Variants in SNTG2 observed in about 807,000 individuals in gnomAD.
SNTG2 encodes the protein syntrophin gamma 2.
Under a neutral mutation model 70.9 loss-of-function variants are expected in SNTG2, and 74 were observed. The ratio of observed to expected loss-of-function variants is 1.04; its 90% CI spans 0.86 to 1.27. SNTG2 has a LOEUF of 1.27. Ranked by LOEUF, SNTG2 falls within the 50% of genes most tolerant of loss-of-function variation. The probability of loss-of-function intolerance (pLI) is 0.00; values close to 1 mark genes in which losing one functional copy is unlikely to be tolerated. For missense variants in SNTG2, 717 were observed against 690.7 expected, an observed-to-expected ratio of 1.04 and a Z score of -0.43; for synonymous variants, 278 against 273.8, an observed-to-expected ratio of 1.02 and a Z score of -0.15.
At chr2:1,185,499 G>A (rs2147924962) in intron 8 of SNTG2, among the ~76,000 whole-genome samples, 1 of 152,318 alleles carries the variant, frequency 6.6e-6, no homozygotes, top group African/African-American at 2.4e-5. Flanking sequence ...GGACATCCAG[G>A]AATTTCCATA....
At chr2:1,061,832 C>T (rs1473743693) in intron 1 of SNTG2, among the ~76,000 whole-genome samples, 5 of 152,062 alleles carry the variant, frequency 3.3e-5, no homozygotes, top group South Asian at 2.1e-4. Context: ...TTCTGAACTT[C>T]GTCTTTGGAA....
At chr2:1,276,731 G>A (rs1572907231) in intron 14 of SNTG2, among the ~76,000 whole-genome samples, 1 of 152,290 alleles carries the variant, frequency 6.6e-6, no homozygotes, top group Admixed American at 6.5e-5. Flanking sequence ...ATCTCATAAG[G>A]TTATAGCTGC....
intron 16 of SNTG2, among the ~76,000 whole-genome samples, chr2:1,325,119 A>G (rs1681707325): frequency 6.6e-6 from 1 of 152,196 alleles, no homozygotes; most frequent in South Asian, 2.1e-4. Flanking sequence ...GTCTGGTTAT[A>G]TCTAAAAATA....
chr2:1,145,837 C>A (rs7588189), intron 6 of SNTG2, among the ~76,000 whole-genome samples: 149,126 of 152,284 alleles, frequency 0.98, 73,105 homozygotes, highest in East Asian at 1. Context: ...TCAGCAACGT[C>A]TAAAAAGAAT....
intron 13 of SNTG2, among the ~76,000 whole-genome samples, chr2:1,260,510 TAAAC>T (rs979394917): frequency 7.2e-5 from 11 of 152,336 alleles, no homozygotes; most frequent in Non-Finnish European, 1.3e-4. Context: ...CAGGTTGTAA[TAAAC>T]AATCATTGAT....
intron 1 of SNTG2, among the ~76,000 whole-genome samples, chr2:1,015,460 A>G (rs555365594): frequency 6.6e-6 from 1 of 152,356 alleles, no homozygotes; most frequent in South Asian, 2.1e-4. Flanking sequence ...GTGACTTACA[A>G]GAGGTTTATT....
intron 13 of SNTG2, among the ~76,000 whole-genome samples, chr2:1,266,427 G>A (rs1294023327): frequency 1.3e-5 from 2 of 152,216 alleles, no homozygotes; most frequent in East Asian, 3.9e-4. Context: ...GTGATTAATA[G>A]ACGTGCTGTA....
At chr2:1,046,911 G>A (rs977271001) in intron 1 of SNTG2, among the ~76,000 whole-genome samples, 1 of 152,112 alleles carries the variant, frequency 6.6e-6, no homozygotes, top group Admixed American at 6.5e-5. Flanking sequence ...CCTTTCTAGC[G>A]AGAATGGGGA....
chr2:1,359,278 G>A (rs2148316590), intron 16 of SNTG2, among the ~76,000 whole-genome samples: 1 of 152,168 alleles, frequency 6.6e-6, no homozygotes, highest in South Asian at 2.1e-4. Flanking sequence ...TCTACTTGAG[G>A]TGTCATATCA....
chr2:1,348,092 TATTA>T (rs1660389895), intron 16 of SNTG2, among the ~76,000 whole-genome samples: 1 of 152,148 alleles, frequency 6.6e-6, no homozygotes, highest in Non-Finnish European at 1.5e-5. Context: ...TCTCCACATG[TATTA>T]ATTTAGCCTC....
intron 8 of SNTG2, among the ~76,000 whole-genome samples, chr2:1,198,021 G>T (rs1189598752): frequency 1.3e-5 from 2 of 152,046 alleles, no homozygotes; most frequent in Admixed American, 1.3e-4. Context: ...GATATTTACA[G>T]AATTTTTTTT....
At chr2:993,448 A>T (rs6744127) in intron 1 of SNTG2, among the ~76,000 whole-genome samples, 21,449 of 152,144 alleles carry the variant, frequency 0.14, 1,602 homozygotes, top group Middle Eastern at 0.21. Flanking sequence ...TGACTAATAT[A>T]AATAATGATG....
chr2:1,186,647 G>A (rs1417006173), intron 8 of SNTG2, among the ~76,000 whole-genome samples: 1 of 152,064 alleles, frequency 6.6e-6, no homozygotes, highest in African/African-American at 2.4e-5. Flanking sequence ...CAAGAAGGGG[G>A]AGGTGCTACA....
chr2:1,030,033 C>T (rs1660727404), intron 1 of SNTG2, among the ~76,000 whole-genome samples: 1 of 152,042 alleles, frequency 6.6e-6, no homozygotes, highest in Admixed American at 6.5e-5. Flanking sequence ...CTGCCTCCTT[C>T]ATCTCTTCTA....
At chr2:1,224,395 C>T (rs1228168433) in intron 9 of SNTG2, among the ~76,000 whole-genome samples, 1 of 152,162 alleles carries the variant, frequency 6.6e-6, no homozygotes, top group Non-Finnish European at 1.5e-5. Flanking sequence ...GGAGCACAGT[C>T]CTGGGGATGC....
intron 1 of SNTG2, among the ~76,000 whole-genome samples, chr2:1,047,413 A>G (rs1048819944): frequency 3.9e-5 from 6 of 152,194 alleles, no homozygotes; most frequent in Non-Finnish European, 8.8e-5. Context: ...CTTTAGGGAC[A>G]AGAATACATT....
intron 16 of SNTG2, among the ~76,000 whole-genome samples, chr2:1,349,949 A>G (rs1660490971): frequency 6.6e-6 from 1 of 152,262 alleles, no homozygotes; most frequent in South Asian, 2.1e-4. Context: ...ACATTTGGAA[A>G]TGATTATTTC....
At chr2:1,262,621 C>T (rs1279508433) in intron 13 of SNTG2, among the ~76,000 whole-genome samples, 3 of 152,170 alleles carry the variant, frequency 2.0e-5, no homozygotes, top group East Asian at 1.9e-4. Flanking sequence ...TCAGTCCAGA[C>T]GAGGAAACCC....
chr2:1,282,818 T>A (rs1351829282), intron 14 of SNTG2, among the ~76,000 whole-genome samples: 1 of 150,970 alleles, frequency 6.6e-6, no homozygotes, highest in Admixed American at 6.6e-5. Flanking sequence ...CTTTGACTGA[T>A]ACGATAAGTA....
Sources: gnomAD v4.1 joint callset for allele counts (sites outside exome capture counted in the v4.1 genomes callset) on GRCh38, gnomAD v4.1.1 for gene constraint, MANE v1.5 for transcripts, NCBI Gene and HGNC (gene_info 2026-07-23, HGNC 2026-07-21) for gene names.